The following LYRM4 variants were observed in gnomAD, a reference collection of about 807,000 sequenced individuals.
LYRM4 encodes the protein LYR motif containing 4, also known as LYR motif-containing protein 4.
In LYRM4, 9 loss-of-function variants were observed where a neutral mutation model predicts 11.7. The observed-to-expected ratio is 0.77, with a 90% CI of 0.46 to 1.34. The LOEUF (loss-of-function observed/expected upper bound fraction) is 1.34. Among genes scored for constraint, LYRM4 ranks in the 40% most tolerant of loss-of-function variants. LYRM4 has a pLI of 0.00. For missense variants in LYRM4, 133 were observed against 112.5 expected (o/e 1.18, Z -0.82); for synonymous variants, 42 against 40.4 (o/e 1.04, Z -0.15).
chr6:5,073,310 C>T, the LYRM4 span, among the ~76,000 whole-genome samples: 1 of 152,050 alleles, frequency 6.6e-6, no homozygotes, highest in African/African-American at 2.4e-5. Flanking sequence ...GTGGAGGTTA[C>T]AGTGAGCTGA....
At chr6:5,222,145 G>A (rs1762617962) in intron 1 of LYRM4, among the ~76,000 whole-genome samples, 1 of 152,170 alleles carries the variant, frequency 6.6e-6, no homozygotes, top group South Asian at 2.1e-4. Context: ...GCCCCACATA[G>A]CAGGAACTTT....
chr6:5,186,516 A>G, intron 2 of LYRM4: 1 of 938,566 alleles, frequency 1.1e-6, no homozygotes, highest in Non-Finnish European at 1.3e-6. Flanking sequence ...GTTAAACTGA[A>G]CTCCCATCTC....
the LYRM4 span, among the ~76,000 whole-genome samples, chr6:5,082,557 C>T: frequency 6.6e-6 from 1 of 152,166 alleles, no homozygotes; most frequent in African/African-American, 2.4e-5. Context: ...AAATAGCGCT[C>T]AGATTTGTCC....
chr6:5,205,987 C>T (rs1233355129), intron 2 of LYRM4, among the ~76,000 whole-genome samples: 5 of 152,284 alleles, frequency 3.3e-5, no homozygotes, highest in East Asian at 1.9e-4. Context: ...CTGCTGGAGC[C>T]GACCGTGAAG....
intron 2 of LYRM4, among the ~76,000 whole-genome samples, chr6:5,179,065 CA>C (rs58749743): frequency 0.042 from 4,397 of 103,478 alleles, 16 homozygotes; most frequent in African/African-American, 0.076. Context: ...ACCAAAAAAA[CA>C]AAAAAAAAAA....
At chr6:5,163,660 C>T (rs1355869340) in intron 2 of LYRM4, among the ~76,000 whole-genome samples, 1 of 150,560 alleles carries the variant, frequency 6.6e-6, no homozygotes, top group Admixed American at 6.6e-5. Context: ...TCACTATCAC[C>T]CAGGCTAGAG....
chr6:5,209,974 T>C (rs1156496245), intron 2 of LYRM4, among the ~76,000 whole-genome samples: 1 of 152,238 alleles, frequency 6.6e-6, no homozygotes, highest in Non-Finnish European at 1.5e-5. Context: ...ATTCTAGTAC[T>C]GGTAACACAT....
Position 5,260,815 on chromosome 6 carries a change from G to A in LYRM4, c.-82C>T. ...AACCCACGAAACTCCAGCCTGTGCG[G>A]AAACCACGAACGAAATAAAATGCTG... is the stretch of plus-strand genomic sequence containing the variant. On this transcript the variant is annotated 5_prime_UTR_variant, in exon 1 of 3. Coordinates refer to ENST00000330636, the MANE Select transcript of LYRM4 (RefSeq NM_020408.6). The A allele has an allele frequency of 3.3e-6, 5 of 1,527,588 alleles. No homozygotes were observed. The highest frequency in any genetic ancestry group is 4.4e-6 in the Non-Finnish European group (5 of 1,143,760). The allele number at this position is 1,527,588 out of a possible 1,614,324, so 94.6% of individuals were successfully genotyped here. A position where few individuals can be genotyped will look rare whatever the true frequency, so the allele number is the denominator to read the frequency against.
At chr6:5,126,673 C>T (rs1048729894) in intron 2 of LYRM4, among the ~76,000 whole-genome samples, 7 of 152,188 alleles carry the variant, frequency 4.6e-5, no homozygotes, top group African/African-American at 1.7e-4. Context: ...AGTTCAGATA[C>T]ATGCTACAAG....
chr6:5,132,774 C>T (rs462327), intron 2 of LYRM4: 142,665 of 152,306 alleles, frequency 0.94, 66,944 homozygotes, highest in African/African-American at 0.99. Context: ...TTTGAGTTTA[C>T]TCAGATTTAG....
intron 2 of LYRM4, among the ~76,000 whole-genome samples, chr6:5,111,530 G>C (rs1325780910): frequency 6.6e-6 from 1 of 152,254 alleles, no homozygotes; most frequent in Non-Finnish European, 1.5e-5. Context: ...AGCAGAAAGT[G>C]AGGATGGAGA....
chr6:5,171,431 G>T (rs984457979), intron 2 of LYRM4, among the ~76,000 whole-genome samples: 1 of 152,126 alleles, frequency 6.6e-6, no homozygotes, highest in Non-Finnish European at 1.5e-5. Flanking sequence ...GACCTATTCT[G>T]GCCTCCAGTT....
chr6:5,218,019 T>C (rs76877340), intron 1 of LYRM4, among the ~76,000 whole-genome samples: 7,443 of 152,186 alleles, frequency 0.049, 600 homozygotes, highest in African/African-American at 0.16. Flanking sequence ...GTGATCCTCC[T>C]GCCTCAGCCT....
intron 1 of LYRM4, among the ~76,000 whole-genome samples, chr6:5,242,507 G>A (rs1763943250): frequency 6.6e-6 from 1 of 151,370 alleles, no homozygotes; most frequent in South Asian, 2.1e-4. Flanking sequence ...ATCTCCTGAG[G>A]TCAGGAGTTC....
At chr6:5,197,395 C>T (rs545644847) in intron 2 of LYRM4, among the ~76,000 whole-genome samples, 10 of 152,146 alleles carry the variant, frequency 6.6e-5, no homozygotes, top group African/African-American at 2.2e-4. Context: ...AATATTTGGC[C>T]GGGCACGGTG....
intron 2 of LYRM4, among the ~76,000 whole-genome samples, chr6:5,168,638 A>G (rs1561844763): frequency 1.3e-5 from 2 of 151,990 alleles, no homozygotes; most frequent in East Asian, 3.9e-4. Context: ...CCCTTTACTG[A>G]TCCTGGATGG....
chr6:5,120,580 G>A (rs1407513224), intron 2 of LYRM4, among the ~76,000 whole-genome samples: 3 of 152,174 alleles, frequency 2.0e-5, no homozygotes, highest in African/African-American at 7.2e-5. Context: ...GCTGCTGGCT[G>A]GGGGTGGCCA....
intron 2 of LYRM4, among the ~76,000 whole-genome samples, chr6:5,152,670 G>T (rs1758157956): frequency 6.6e-6 from 1 of 152,192 alleles, no homozygotes; most frequent in South Asian, 2.1e-4. Context: ...TGCCTGAGCT[G>T]ATGCCTAGCT....
At chr6:5,134,818 A>G (rs1005755433) in intron 2 of LYRM4, among the ~76,000 whole-genome samples, 2 of 145,642 alleles carry the variant, frequency 1.4e-5, no homozygotes, top group Non-Finnish European at 3.0e-5. Flanking sequence ...CAAATTGGGG[A>G]AAATGTCATC....
Sources: allele counts gnomAD v4.1 joint callset (sites outside exome capture counted in the v4.1 genomes callset), GRCh38; gene constraint gnomAD v4.1.1; transcripts MANE v1.5; gene names NCBI Gene and HGNC (gene_info 2026-07-23, HGNC 2026-07-21).